The following MSRB3 variants were observed in gnomAD, a reference collection of about 807,000 sequenced individuals.
The protein encoded by MSRB3 is methionine sulfoxide reductase B3.
A neutral mutation model predicts 21.0 loss-of-function variants in MSRB3; 13 were observed. The ratio of observed to expected loss-of-function variants is 0.62; its 90% CI spans 0.40 to 0.98. MSRB3 has a LOEUF of 0.98. MSRB3 is among the 50% of genes least tolerant of loss of function. The pLI is 0.00. For missense variants in MSRB3, 199 were observed against 230.3 expected (o/e 0.86, Z 0.88); for synonymous variants, 87 against 88.6 (o/e 0.98, Z 0.10).
intron 5 of MSRB3, among the ~76,000 whole-genome samples, chr12:65,379,629 C>CT (rs1204023664): frequency 6.6e-6 from 1 of 152,068 alleles, no homozygotes; most frequent in Non-Finnish European, 1.5e-5. Flanking sequence ...GGTATATACT[C>CT]TTTTTTATAT....
intron 5 of MSRB3, among the ~76,000 whole-genome samples, chr12:65,452,708 A>G (rs901592537): frequency 1.8e-4 from 28 of 152,142 alleles, no homozygotes; most frequent in Non-Finnish European, 5.9e-5. Flanking sequence ...TTTGTTTGAA[A>G]CTAAAAATCA....
intron 4 of MSRB3, among the ~76,000 whole-genome samples, chr12:65,334,310 T>C (rs887003340): frequency 6.6e-6 from 1 of 152,198 alleles, no homozygotes; most frequent in African/African-American, 2.4e-5. Flanking sequence ...CATTTAATCT[T>C]CACAGCAACA....
chr12:65,376,664 A>C (rs1383685264), intron 5 of MSRB3, among the ~76,000 whole-genome samples: 1 of 151,738 alleles, frequency 6.6e-6, no homozygotes, highest in Non-Finnish European at 1.5e-5. Context: ...GGAACATCAC[A>C]CACAGGGGCC....
intron 5 of MSRB3, among the ~76,000 whole-genome samples, chr12:65,425,981 T>G (rs750988477): frequency 3.3e-5 from 5 of 151,998 alleles, no homozygotes; most frequent in Non-Finnish European, 5.9e-5. Flanking sequence ...CTCAGCCTCC[T>G]GAGTAGCTGG....
chr12:65,326,443 G>A (rs1455521771), intron 2 of MSRB3, among the ~76,000 whole-genome samples: 2 of 151,854 alleles, frequency 1.3e-5, no homozygotes, highest in Admixed American at 6.6e-5. Flanking sequence ...AACATAATAT[G>A]CCCATCATTT....
intron 2 of MSRB3, 99 bp downstream of exon 2, chr12:65,308,754 T>A: frequency 3.2e-6 from 5 of 1,551,548 alleles, no homozygotes; most frequent in Non-Finnish European, 4.4e-6. Flanking sequence ...AAATTTCATT[T>A]TCTTTTACTT....
chr12:65,408,189 G>A (rs1475352650), intron 5 of MSRB3, among the ~76,000 whole-genome samples: 3 of 151,904 alleles, frequency 2.0e-5, no homozygotes, highest in Non-Finnish European at 4.4e-5. Context: ...CCACCTCCCC[G>A]GTTGAAGCAA....
chr12:65,366,325 G>T (rs1456593447), intron 4 of MSRB3, among the ~76,000 whole-genome samples: 1 of 152,182 alleles, frequency 6.6e-6, no homozygotes, highest in African/African-American at 2.4e-5. Flanking sequence ...ACACATGCTA[G>T]TAGTACTACC....
intron 5 of MSRB3, among the ~76,000 whole-genome samples, chr12:65,403,497 G>A (rs1427974739): frequency 6.6e-6 from 1 of 152,200 alleles, no homozygotes; most frequent in Non-Finnish European, 1.5e-5. Flanking sequence ...GGACTGCTGT[G>A]CTGGCAGCGA....
chr12:65,407,611 T>A (rs1428912754), intron 5 of MSRB3, among the ~76,000 whole-genome samples: 1 of 152,158 alleles, frequency 6.6e-6, no homozygotes, highest in African/African-American at 2.4e-5. Context: ...TTTTGGAAAA[T>A]CCTCAGCCAT....
intron 1 of MSRB3, among the ~76,000 whole-genome samples, chr12:65,282,256 G>T (rs1872070688): frequency 2.0e-5 from 3 of 151,634 alleles, no homozygotes; most frequent in Admixed American, 2.0e-4. Context: ...AGCGGATGTT[G>T]CAGTGAGCCA....
chr12:65,325,718 G>A (rs1430561317), intron 2 of MSRB3, among the ~76,000 whole-genome samples: 2 of 152,120 alleles, frequency 1.3e-5, no homozygotes, highest in African/African-American at 4.8e-5. Flanking sequence ...AACTAAGCAA[G>A]CTTTCTTCTA....
chr12:65,439,222 A>G (rs1269159646), intron 5 of MSRB3, among the ~76,000 whole-genome samples: 2 of 151,832 alleles, frequency 1.3e-5, no homozygotes, highest in South Asian at 4.1e-4. Flanking sequence ...GGTACTATTC[A>G]TGAAGAGTAC....
At chr12:65,347,010 A>C (rs1876560830) in intron 4 of MSRB3, among the ~76,000 whole-genome samples, 1 of 152,062 alleles carries the variant, frequency 6.6e-6, no homozygotes, top group African/African-American at 2.4e-5. Context: ...GTTTGAAGTC[A>C]GATAGCATGA....
chr12:65,326,951 T>TA lies in MSRB3; in HGVS notation c.185+22dup, dbSNP rs757102115. ...GACCGAAAGGTAAGGTGAGCTTTAATAAAAAGTCATTAAGAGCTAGATTTC... is the reference window on the plus strand; with the variant it reads ...GACCGAAAGGTAAGGTGAGCTTTAATAAAAAAGTCATTAAGAGCTAGATTTC... On this transcript the variant is annotated intron_variant, in intron 3 of 6. Transcript: ENST00000308259. 2.5e-6 allele frequency: 4 copies of TA among 1,587,526 alleles called. No individual in the cohort carries two copies. In the South Asian group the frequency reaches 3.3e-5, roughly 13 times the overall value.
Position 65,465,508 on chromosome 12 carries a change from G to A in MSRB3, c.*2186G>A, listed in dbSNP as rs1416902167. 2.0e-5 allele frequency: 3 copies of A among 152,160 alleles called. No homozygotes were observed. Among genetic ancestry groups the A allele is most frequent in the Non-Finnish European group, 4.4e-5 (3 of 68,016 alleles). 9.4% of individuals were successfully genotyped at this position (152,160 alleles called of 1,614,324 possible). A position where few individuals can be genotyped will look rare whatever the true frequency, so the allele number is the denominator to read the frequency against. The stretch of plus-strand genomic sequence containing the variant: ...TTAGAATGAAAATCTGTGACAAACA[G>A]CGTCAGTGTGGCCATGTCCACATTC... On this transcript the variant is annotated 3_prime_UTR_variant, in exon 7 of 7. Coordinates refer to ENST00000308259, the MANE Select transcript of MSRB3 (RefSeq NM_001031679.3).
intron 4 of MSRB3, among the ~76,000 whole-genome samples, chr12:65,353,910 G>A (rs1877210156): frequency 6.6e-6 from 1 of 151,880 alleles, no homozygotes; most frequent in Non-Finnish European, 1.5e-5. Flanking sequence ...AGCTCTTTTA[G>A]GGCAGGCCTG....
rs1231824152 is a variant in MSRB3, at chr12:65,326,948, T to C, written c.185+14T>C. The C allele has an allele frequency of 1.9e-6, 3 of 1,592,672 alleles. No individual in the cohort carries two copies. Among genetic ancestry groups the C allele is most frequent in the Non-Finnish European group, 1.7e-6 (2 of 1,162,276 alleles). ...AGGGACCGAAAGGTAAGGTGAGCTT[T>C]AATAAAAAGTCATTAAGAGCTAGAT... On this transcript the variant is annotated intron_variant, in intron 3 of 6. Coordinates refer to ENST00000308259, the MANE Select transcript of MSRB3 (RefSeq NM_001031679.3).
chr12:65,359,814 T>C (rs1877599534), intron 4 of MSRB3, among the ~76,000 whole-genome samples: 1 of 152,146 alleles, frequency 6.6e-6, no homozygotes, highest in South Asian at 2.1e-4. Flanking sequence ...TTTGTTTGAT[T>C]TGGCTAACTT....
Sources: allele counts gnomAD v4.1 joint callset (sites outside exome capture counted in the v4.1 genomes callset), GRCh38; gene constraint gnomAD v4.1.1; transcripts MANE v1.5; gene names NCBI Gene and HGNC (gene_info 2026-07-23, HGNC 2026-07-21).